Variants in RABGAP1L observed in about 807,000 individuals in gnomAD.
RABGAP1L encodes RAB GTPase activating protein 1 like.
Under a neutral mutation model 137.7 loss-of-function variants are expected in RABGAP1L, and 63 were observed. The observed-to-expected ratio is 0.46, with a 90% CI of 0.37 to 0.56. The LOEUF is 0.56. Ranked by LOEUF, RABGAP1L falls within the 20% of genes least tolerant of loss-of-function variation. The pLI is 0.00. For synonymous variants in RABGAP1L, 431 were observed against 433.7 expected (o/e 0.99, Z 0.08); for missense variants, 1,095 against 1,244.0 (o/e 0.88, Z 1.80).
At chr1:174,941,061 A>G (rs770663714) in intron 19 of RABGAP1L, among the ~76,000 whole-genome samples, 10 of 129,790 alleles carry the variant, frequency 7.7e-5, no homozygotes, top group Admixed American at 7.2e-5. Context: ...CAGTAGGCCC[A>G]CATTTTGTAG....
chr1:174,857,936 A>T lies in RABGAP1L; in HGVS notation c.2340+45976A>T, dbSNP rs199895739. Among the ~76,000 whole-genome samples, 4 of 152,326 alleles carry T rather than the reference A, an allele frequency of 2.6e-5. No individual in the cohort carries two copies. The East Asian group carries it at 7.7e-4, about 29-fold the overall frequency. On this transcript the variant is annotated intron_variant, in intron 19 of 25. Transcript: ENST00000681986. ...GTCTGAAATTATAAAAAATATTTTTAAGAGTCTAATAGTTAAAAGTTAATT... is the reference window on the plus strand; with the variant it reads ...GTCTGAAATTATAAAAAATATTTTTTAGAGTCTAATAGTTAAAAGTTAATT...
intron 19 of RABGAP1L, among the ~76,000 whole-genome samples, chr1:174,872,756 G>C (rs745379786): frequency 2.8e-4 from 42 of 152,124 alleles, no homozygotes; most frequent in Admixed American, 1.3e-3. Context: ...GCCCAGGCTG[G>C]TTTTATAATA....
At chr1:174,430,175 A>G (rs1416949552) in intron 13 of RABGAP1L, among the ~76,000 whole-genome samples, 1 of 152,106 alleles carries the variant, frequency 6.6e-6, no homozygotes, top group Non-Finnish European at 1.5e-5. Context: ...GCTTGAGCTC[A>G]GGATGAGACC....
chr1:174,320,868 C>T (rs765679452), intron 11 of RABGAP1L, among the ~76,000 whole-genome samples: 121 of 152,192 alleles, frequency 8.0e-4, no homozygotes, highest in Admixed American at 2.4e-3. Context: ...GAAATCTGGG[C>T]GCCTTGAAAC....
At chr1:174,942,362 T>C (rs1666035938) in intron 19 of RABGAP1L, among the ~76,000 whole-genome samples, 1 of 152,226 alleles carries the variant, frequency 6.6e-6, no homozygotes, top group Non-Finnish European at 1.5e-5. Flanking sequence ...AAGCAGTATA[T>C]ATAACTAACC....
At chr1:174,927,718 A>T (rs1663080481) in intron 19 of RABGAP1L, among the ~76,000 whole-genome samples, 1 of 152,196 alleles carries the variant, frequency 6.6e-6, no homozygotes, top group Admixed American at 6.5e-5. Context: ...CAGCTGGATG[A>T]TGTTTCTTCT....
At chr1:174,733,781 G>T (rs1376206789) in intron 17 of RABGAP1L, among the ~76,000 whole-genome samples, 1 of 152,156 alleles carries the variant, frequency 6.6e-6, no homozygotes, top group Non-Finnish European at 1.5e-5. Context: ...CCCTTAAAGG[G>T]ATCACTCCGG....
intron 13 of RABGAP1L, among the ~76,000 whole-genome samples, chr1:174,617,098 A>G (rs1278324237): frequency 2.0e-5 from 3 of 152,222 alleles, no homozygotes; most frequent in African/African-American, 7.2e-5. Context: ...GCTAGGATGT[A>G]TATTTACCTG....
chr1:174,238,584 G>T (rs1436695868), intron 4 of RABGAP1L, among the ~76,000 whole-genome samples: 1 of 151,596 alleles, frequency 6.6e-6, no homozygotes, highest in Non-Finnish European at 1.5e-5. Flanking sequence ...CTGCTCGGGG[G>T]TCAGGGGTCA....
chr1:174,982,462 ATTCTT>A (rs969455071), intron 23 of RABGAP1L, among the ~76,000 whole-genome samples: 11 of 152,228 alleles, frequency 7.2e-5, no homozygotes, highest in Non-Finnish European at 1.3e-4. Flanking sequence ...TCTGTCTAGA[ATTCTT>A]TTCATCAAGA....
chr1:174,849,704 G>T, intron 19 of RABGAP1L: 1 of 443,086 alleles, frequency 2.3e-6, no homozygotes, highest in Admixed American at 2.7e-5. Context: ...GTCTTCAGGA[G>T]ATTTCGACTT....
chr1:174,468,256 A>G (rs1449021362), intron 13 of RABGAP1L, among the ~76,000 whole-genome samples: 1 of 152,200 alleles, frequency 6.6e-6, no homozygotes, highest in Non-Finnish European at 1.5e-5. Context: ...GGATAAACAA[A>G]TAGAGATTTC....
intron 18 of RABGAP1L, among the ~76,000 whole-genome samples, chr1:174,769,109 A>G (rs905300622): frequency 9.8e-5 from 15 of 152,332 alleles, no homozygotes; most frequent in African/African-American, 3.1e-4. Context: ...CAGTAAAGAA[A>G]GAGGTTAATT....
chr1:174,599,432 A>T (rs147976147), intron 13 of RABGAP1L, among the ~76,000 whole-genome samples: 33 of 152,302 alleles, frequency 2.2e-4, no homozygotes, highest in Middle Eastern at 6.8e-3. Context: ...ATTAGCAGTG[A>T]GTTTTGGACC....
At chr1:174,632,300 G>C (rs1422725966) in intron 13 of RABGAP1L, among the ~76,000 whole-genome samples, 1 of 149,158 alleles carries the variant, frequency 6.7e-6, no homozygotes, top group Non-Finnish European at 1.5e-5. Context: ...AGGGTAACCC[G>C]ACCTTTCTCT....
intron 11 of RABGAP1L, among the ~76,000 whole-genome samples, chr1:174,364,110 T>A (rs574920817): frequency 6.6e-6 from 1 of 152,034 alleles, no homozygotes; most frequent in East Asian, 1.9e-4. Flanking sequence ...TGAGTAGGAT[T>A]GGTATTAGTT....
At chr1:174,628,849 C>A (rs1290330118) in intron 13 of RABGAP1L, among the ~76,000 whole-genome samples, 1 of 151,982 alleles carries the variant, frequency 6.6e-6, no homozygotes, top group African/African-American at 2.4e-5. Context: ...TTAGGGAGCC[C>A]GTGCATATAT....
chr1:174,354,384 A>G (rs1416873042), intron 11 of RABGAP1L, among the ~76,000 whole-genome samples: 3 of 152,082 alleles, frequency 2.0e-5, no homozygotes, highest in Non-Finnish European at 4.4e-5. Flanking sequence ...GCTGCCTTAT[A>G]AGAAGCTGTT....
intron 11 of RABGAP1L, among the ~76,000 whole-genome samples, chr1:174,349,058 A>G (rs1027055872): frequency 2.0e-5 from 2 of 97,596 alleles, no homozygotes; most frequent in African/African-American, 3.9e-5. Flanking sequence ...GGGGGGGCTG[A>G]CCCCCCCCAC....
Sources: allele counts gnomAD v4.1 joint callset (sites outside exome capture counted in the v4.1 genomes callset), GRCh38; gene constraint gnomAD v4.1.1; transcripts MANE v1.5; gene names NCBI Gene and HGNC (gene_info 2026-07-23, HGNC 2026-07-21).